Variants in SH3KBP1 observed in about 807,000 individuals in gnomAD.
The protein encoded by SH3KBP1 is SH3 domain containing kinase binding protein 1.
SH3KBP1 carries 8 observed loss-of-function variants against 50.1 expected under a neutral mutation model. That is an observed-to-expected ratio of 0.16 (90% CI 0.09 to 0.29). The LOEUF (loss-of-function observed/expected upper bound fraction) is 0.29. SH3KBP1 is among the 10% of genes least tolerant of loss of function. SH3KBP1 has a pLI of 1.00. For missense variants in SH3KBP1, 377 were observed against 535.2 expected (o/e 0.70, Z 2.92); for synonymous variants, 227 against 218.6 (o/e 1.04, Z -0.34).
intron 3 of SH3KBP1, among the ~76,000 whole-genome samples, chrX:19,735,763 G>A (rs1027138864): frequency 1.1e-5 from 1 of 90,503 alleles, no homozygotes. Context: ...TTGCTCAGTT[G>A]CCCAGGCTGG....
chrX:19,810,084 T>C (rs1218443791), intron 2 of SH3KBP1, among the ~76,000 whole-genome samples: 1 of 112,067 alleles, frequency 8.9e-6, no homozygotes, highest in Non-Finnish European at 1.9e-5. Context: ...ATTTAACATG[T>C]CCTTCTATGT....
chrX:19,801,743 A>T (rs1269143817), intron 2 of SH3KBP1, among the ~76,000 whole-genome samples: 3 of 111,750 alleles, frequency 2.7e-5, no homozygotes, highest in Non-Finnish European at 3.8e-5. Context: ...CATTAGGTCA[A>T]TATCATGGCA....
intron 2 of SH3KBP1, among the ~76,000 whole-genome samples, chrX:19,782,081 T>C (rs189300268): frequency 2.8e-4 from 31 of 111,786 alleles, no homozygotes; most frequent in African/African-American, 9.8e-4. Flanking sequence ...GAAAGGGTCC[T>C]TGCTGATGTA....
chrX:19,678,125 A>G (rs949249723), intron 6 of SH3KBP1, among the ~76,000 whole-genome samples: 2 of 111,792 alleles, frequency 1.8e-5, no homozygotes, highest in Non-Finnish European at 3.8e-5. Context: ...TGCCTCTCAC[A>G]CTAATCTATA....
chrX:19,788,401 GC>G (rs1244635100), intron 2 of SH3KBP1, among the ~76,000 whole-genome samples: 2 of 109,912 alleles, frequency 1.8e-5, no homozygotes, highest in Non-Finnish European at 3.8e-5. Context: ...CCCAAAGATC[GC>G]CAGCAAACCA....
At chrX:19,702,059 G>C in intron 4 of SH3KBP1, among the ~76,000 whole-genome samples, 1 of 112,229 alleles carries the variant, frequency 8.9e-6, no homozygotes, top group Non-Finnish European at 1.9e-5. Flanking sequence ...GTTATTTGGA[G>C]AAATAATTGT....
At chrX:19,571,413 C>T (rs1380442554) in intron 12 of SH3KBP1, among the ~76,000 whole-genome samples, 1 of 112,035 alleles carries the variant, frequency 8.9e-6, no homozygotes, top group Non-Finnish European at 1.9e-5. Flanking sequence ...TTGGGCCCCA[C>T]CAGGGCCATT....
chrX:19,567,254 C>T (rs2065868191), intron 13 of SH3KBP1, among the ~76,000 whole-genome samples: 1 of 107,939 alleles, frequency 9.3e-6, no homozygotes, highest in Non-Finnish European at 1.9e-5. Context: ...TGCGGTAGCT[C>T]ACAGCTGTAA....
intron 1 of SH3KBP1, among the ~76,000 whole-genome samples, chrX:19,841,603 T>G (rs1253239746): frequency 9.0e-6 from 1 of 111,578 alleles, no homozygotes; most frequent in African/African-American, 3.3e-5. Context: ...GCATAGAAAA[T>G]CAAGAAGTAA....
intron 6 of SH3KBP1, among the ~76,000 whole-genome samples, chrX:19,672,676 G>A (rs1371535601): frequency 2.7e-5 from 3 of 111,928 alleles, no homozygotes; most frequent in Non-Finnish European, 5.6e-5. Flanking sequence ...AAAACTAAAT[G>A]TGGTATTCTG....
chrX:19,760,026 CT>C (rs2065341058), intron 2 of SH3KBP1, among the ~76,000 whole-genome samples: 1 of 67,534 alleles, frequency 1.5e-5, no homozygotes, highest in African/African-American at 7.6e-5. Context: ...TCTCTCTCCT[CT>C]CTCTCTCTCT....
chrX:19,838,271 A>C (rs1358761017), intron 1 of SH3KBP1, among the ~76,000 whole-genome samples: 1 of 112,587 alleles, frequency 8.9e-6, no homozygotes, highest in Admixed American at 9.4e-5. Flanking sequence ...CAGGACACAC[A>C]GTCAGGGATC....
chrX:19,870,824 C>A (rs1161329690), intron 1 of SH3KBP1, among the ~76,000 whole-genome samples: 3 of 111,424 alleles, frequency 2.7e-5, no homozygotes, highest in Non-Finnish European at 3.8e-5. Flanking sequence ...CAAGTGAACA[C>A]AAAAGACCGC....
intron 1 of SH3KBP1, among the ~76,000 whole-genome samples, chrX:19,878,568 A>AAC (rs1444700615): frequency 8.5e-5 from 9 of 105,521 alleles, no homozygotes; most frequent in East Asian, 3.0e-4. Flanking sequence ...ATCAACCAAA[A>AAC]ACACACACAC....
At chrX:19,613,328 G>A (rs2067489543) in intron 8 of SH3KBP1, among the ~76,000 whole-genome samples, 1 of 112,180 alleles carries the variant, frequency 8.9e-6, no homozygotes, top group African/African-American at 3.2e-5. Context: ...ATACAAATGA[G>A]AAAGAGCATT....
intron 7 of SH3KBP1, among the ~76,000 whole-genome samples, chrX:19,642,483 C>T (rs1460060882): frequency 8.9e-6 from 1 of 112,251 alleles, no homozygotes; most frequent in Admixed American, 9.4e-5. Flanking sequence ...ATAATTTATG[C>T]AGAAGCCTGA....
At chrX:19,794,283 T>C (rs1423236574) in intron 2 of SH3KBP1, among the ~76,000 whole-genome samples, 1 of 106,398 alleles carries the variant, frequency 9.4e-6, no homozygotes, top group Non-Finnish European at 1.9e-5. Context: ...GCAACTATAG[T>C]CCCAGCTACT....
At chrX:19,768,930 GTT>G (rs370447360) in intron 2 of SH3KBP1, among the ~76,000 whole-genome samples, 1 of 104,083 alleles carries the variant, frequency 9.6e-6, no homozygotes. Context: ...ACACATTTGG[GTT>G]TTTTTTTTTA....
chrX:19,853,039 T>A, intron 1 of SH3KBP1, among the ~76,000 whole-genome samples: 1 of 112,632 alleles, frequency 8.9e-6, no homozygotes. Context: ...TAGGGTCAGG[T>A]GAGAAGAGAA....
Sources: gnomAD v4.1 joint callset for allele counts (sites outside exome capture counted in the v4.1 genomes callset) on GRCh38, gnomAD v4.1.1 for gene constraint, MANE v1.5 for transcripts, NCBI Gene and HGNC (gene_info 2026-07-23, HGNC 2026-07-21) for gene names.